The following CPNE3 variants were observed in gnomAD, a reference collection of about 807,000 sequenced individuals.
CPNE3 encodes the protein copine-3.
Under a neutral mutation model 63.9 loss-of-function variants are expected in CPNE3, and 68 were observed. That is an observed-to-expected ratio of 1.06 (90% CI 0.87 to 1.30). CPNE3 has a LOEUF of 1.30. CPNE3 is among the 50% of genes most tolerant of loss of function. The probability of loss-of-function intolerance (pLI) is 0.00; values close to 1 mark genes in which losing one functional copy is unlikely to be tolerated. For missense variants in CPNE3, 665 were observed against 578.1 expected (o/e 1.15, Z -1.54); for synonymous variants, 219 against 197.5 (o/e 1.11, Z -0.91).
chr8:86,548,127 T>G (rs946206828), intron 11 of CPNE3, among the ~76,000 whole-genome samples, 174 bp from the exon 12 acceptor site: 2 of 152,244 alleles, frequency 1.3e-5, no homozygotes, highest in African/African-American at 4.8e-5. Context: ...AGCATCAGGT[T>G]GTTTCACATT....
intron 8 of CPNE3, among the ~76,000 whole-genome samples, chr8:86,541,833 G>T (rs1820948499): frequency 6.6e-6 from 1 of 151,984 alleles, no homozygotes; most frequent in Admixed American, 6.6e-5. Flanking sequence ...GAAAATCCAG[G>T]TCCGAAATAA....
intron 14 of CPNE3, among the ~76,000 whole-genome samples, chr8:86,552,508 A>G (rs1478923820): frequency 6.6e-6 from 1 of 152,198 alleles, no homozygotes; most frequent in African/African-American, 2.4e-5. Context: ...GACATATCAT[A>G]TGATAATTCA....
intron 2 of CPNE3, among the ~76,000 whole-genome samples, chr8:86,526,946 A>C (rs1301470775): frequency 1.3e-5 from 2 of 152,180 alleles, no homozygotes; most frequent in African/African-American, 4.8e-5. Context: ...GTTTTTAGAG[A>C]GTTCAATAGA....
At chr8:86,516,211 A>C (rs1026111697) in intron 2 of CPNE3, among the ~76,000 whole-genome samples, 1 of 152,176 alleles carries the variant, frequency 6.6e-6, no homozygotes, top group Non-Finnish European at 1.5e-5. Context: ...CCCACAATGA[A>C]GTCTGCAGTT....
chr8:86,551,676 G>C (rs1282851005), intron 14 of CPNE3, among the ~76,000 whole-genome samples: 1 of 152,194 alleles, frequency 6.6e-6, no homozygotes, highest in South Asian at 2.1e-4. Context: ...GAAGAGAAAA[G>C]TATCCAGCAT....
At chr8:86,518,771 AT>A (rs1004816578) in intron 2 of CPNE3, among the ~76,000 whole-genome samples, 14 of 150,754 alleles carry the variant, frequency 9.3e-5, no homozygotes, top group African/African-American at 3.2e-4. Context: ...TTAAAAAAAA[AT>A]ATTTATTTAT....
intron 8 of CPNE3, among the ~76,000 whole-genome samples, chr8:86,544,120 G>A (rs3779808): frequency 0.72 from 109,543 of 151,842 alleles, 40,477 homozygotes; most frequent in African/African-American, 0.83. Context: ...GACCCGGTGT[G>A]GATACTTCCT....
chr8:86,537,759 T>C (rs1454735865), intron 7 of CPNE3, 113 bp downstream of exon 7: 7 of 681,982 alleles, frequency 1.0e-5, no homozygotes, highest in Middle Eastern at 2.5e-4. Flanking sequence ...TACTTACATA[T>C]AGCCAGAGAC....
intron 2 of CPNE3, among the ~76,000 whole-genome samples, chr8:86,518,850 G>T (rs1454953434): frequency 2.0e-5 from 3 of 152,108 alleles, no homozygotes; most frequent in South Asian, 4.2e-4. Context: ...TCGGCTCACT[G>T]CAACCTCCAC....
chr8:86,556,346 C>G lies in CPNE3; in HGVS notation c.1491+8C>G. On this transcript the variant is annotated splice_region_variant and intron_variant, in intron 16 of 16. Transcript: ENST00000517490. ...TTCAGACAGTTCCAGAATGTGAGTA[C>G]CACTCCTCCCTACTCAAACACTAAA... is the stretch of plus-strand genomic sequence containing the variant. The G allele has an allele frequency of 1.1e-6, 1 of 872,714 alleles. No individual in the cohort carries two copies. The highest frequency in any genetic ancestry group is 2.0e-6 in the Non-Finnish European group (1 of 501,454). The allele number at this position is 872,714 out of a possible 1,614,324, so 54.1% of individuals were successfully genotyped here. A position where few individuals can be genotyped will look rare whatever the true frequency, so the allele number is the denominator to read the frequency against.
At chr8:86,536,653 G>A (rs1820809564) in intron 6 of CPNE3, among the ~76,000 whole-genome samples, 1 of 152,164 alleles carries the variant, frequency 6.6e-6, no homozygotes, top group Non-Finnish European at 1.5e-5. Context: ...GCTCAGGGAT[G>A]TATCTGCATA....
chr8:86,533,371 C>T (rs1266687804), intron 6 of CPNE3, among the ~76,000 whole-genome samples: 2 of 151,866 alleles, frequency 1.3e-5, no homozygotes, highest in African/African-American at 2.4e-5. Context: ...GGCGAAACCC[C>T]ATCTCTACAA....
chr8:86,532,670 C>A, intron 6 of CPNE3, 90 bp downstream of exon 6: 2 of 1,086,372 alleles, frequency 1.8e-6, no homozygotes, highest in Non-Finnish European at 2.8e-6. Context: ...TGAACTCCAT[C>A]ATTGAGCATC....
Position 86,521,765 on chromosome 8 carries a change from A to G in CPNE3, c.-11+6266A>G, listed in dbSNP as rs368235596. 19 of 152,240 alleles carry G rather than the reference A, an allele frequency of 1.2e-4. 1 individual carries two copies. In the East Asian group the frequency reaches 2.1e-3, roughly 17 times the overall value. The allele number at this position is 152,240 out of a possible 1,614,324, so 9.4% of individuals were successfully genotyped here. On this transcript the variant is annotated intron_variant, in intron 2 of 16. Coordinates refer to ENST00000517490, the MANE Select transcript of CPNE3 (RefSeq NM_003909.5). ...AATTTATATTTTTTTCCTAATATAT[A>G]CTATGCATTATTTTGAAGATTAACA... is the stretch of plus-strand genomic sequence containing the variant.
chr8:86,537,775 A>G, intron 7 of CPNE3, 129 bp downstream of exon 7: 2 of 633,238 alleles, frequency 3.2e-6, no homozygotes, highest in Non-Finnish European at 5.6e-6. Context: ...GAGACACAAG[A>G]TCACCATGTT....
chr8:86,550,276 T>C (rs1821145002), intron 12 of CPNE3, among the ~76,000 whole-genome samples: 1 of 152,008 alleles, frequency 6.6e-6, no homozygotes, highest in African/African-American at 2.4e-5. Context: ...TGAGAAAGGG[T>C]CTCGCTCTGT....
intron 6 of CPNE3, among the ~76,000 whole-genome samples, chr8:86,537,217 A>T (rs1039555031): frequency 1.3e-5 from 2 of 152,224 alleles, no homozygotes; most frequent in African/African-American, 4.8e-5. Flanking sequence ...TATCATTTAT[A>T]TAAAACTACT....
intron 7 of CPNE3, among the ~76,000 whole-genome samples, chr8:86,538,280 C>A (rs1820850631): frequency 6.6e-6 from 1 of 152,126 alleles, no homozygotes. Context: ...GAAACTGAGG[C>A]ACAAGAATTG....
chr8:86,542,636 A>G (rs1820965588), intron 8 of CPNE3, among the ~76,000 whole-genome samples: 1 of 151,880 alleles, frequency 6.6e-6, no homozygotes, highest in Non-Finnish European at 1.5e-5. Context: ...ATATGTATAT[A>G]TGCATATATT....
Sources: allele counts gnomAD v4.1 joint callset (sites outside exome capture counted in the v4.1 genomes callset), GRCh38; gene constraint gnomAD v4.1.1; transcripts MANE v1.5; gene names NCBI Gene and HGNC (gene_info 2026-07-23, HGNC 2026-07-21).